Variants in XIRP2 observed in about 807,000 individuals in gnomAD.
The protein encoded by XIRP2 is xin actin binding repeat containing 2.
A neutral mutation model predicts 277.0 loss-of-function variants in XIRP2; 236 were observed. That is an observed-to-expected ratio of 0.85 (90% CI 0.77 to 0.95). The LOEUF is 0.95. Among genes scored for constraint, XIRP2 ranks in the 40% least tolerant of loss-of-function variants. The pLI is 0.00. For synonymous variants in XIRP2, 1,490 were observed against 1,416.5 expected, an observed-to-expected ratio of 1.05 and a Z score of -1.17; for missense variants, 4,640 against 4,157.5, an observed-to-expected ratio of 1.12 and a Z score of -3.19.
intron 2 of XIRP2, among the ~76,000 whole-genome samples, chr2:167,008,517 G>T (rs1000637516): frequency 6.6e-6 from 1 of 151,564 alleles, no homozygotes; most frequent in African/African-American, 2.4e-5. Flanking sequence ...GTTACTTAAA[G>T]AATTAATAAC....
chr2:167,257,271 T>A (rs2105456884), intron 10 of XIRP2, among the ~76,000 whole-genome samples: 1 of 152,076 alleles, frequency 6.6e-6, no homozygotes, highest in Non-Finnish European at 1.5e-5. Flanking sequence ...TTCATTTAGT[T>A]GTAAATGTTC....
chr2:167,139,932 G>T (rs1001489651), intron 3 of XIRP2, among the ~76,000 whole-genome samples: 2 of 152,066 alleles, frequency 1.3e-5, no homozygotes, highest in Non-Finnish European at 2.9e-5. Flanking sequence ...GCTGACATTC[G>T]TCCAATGAGC....
chr2:167,205,827 G>A (rs1177266701), intron 3 of XIRP2, among the ~76,000 whole-genome samples: 1 of 151,864 alleles, frequency 6.6e-6, no homozygotes, highest in Non-Finnish European at 1.5e-5. Context: ...AATACTTTTA[G>A]TTATAAATAA....
chr2:167,232,307 G>A lies in XIRP2; in HGVS notation c.859-7548G>A, dbSNP rs370942942. 2.4e-4 allele frequency among the ~76,000 whole-genome samples: 37 copies of A among 151,958 alleles called. 1 individual carries two copies. The highest frequency in any genetic ancestry group is 6.3e-4 in the African/African-American group (26 of 41,508). ...AAATTGGATAGGTGATCACAAACCCGCTCTCTGGCTATATCTCTACAGAAT... is the reference window on the plus strand; with the variant it reads ...AAATTGGATAGGTGATCACAAACCCACTCTCTGGCTATATCTCTACAGAAT... On this transcript the variant is annotated intron_variant, in intron 5 of 10. Transcript: ENST00000409195.
At chr2:167,100,732 T>G (rs576788860) in intron 2 of XIRP2, among the ~76,000 whole-genome samples, 2 of 152,336 alleles carry the variant, frequency 1.3e-5, no homozygotes, top group Admixed American at 6.5e-5. Flanking sequence ...TCAAACTGCT[T>G]CTTCTTGTTA....
Position 167,026,378 on chromosome 2 carries a change from C to G in XIRP2, c.409-109531C>G, listed in dbSNP as rs142797439. The stretch of plus-strand genomic sequence containing the variant: ...GCACGTGAGATGGGTTTCCTGAATA[C>G]AGCACACTGAAGGGTCTTGACTCTT... On this transcript the variant is annotated intron_variant, in intron 2 of 10. Transcript: ENST00000409195. 1.6e-3 allele frequency among the ~76,000 whole-genome samples: 248 copies of G among 152,210 alleles called. 8 individuals are homozygous for G. The East Asian group carries it at 0.045, about 28-fold the overall frequency.
At chr2:166,933,453 T>A (rs765133874) in intron 2 of XIRP2, among the ~76,000 whole-genome samples, 28 of 152,026 alleles carry the variant, frequency 1.8e-4, no homozygotes, top group Admixed American at 3.9e-4. Context: ...CCGGCCAACT[T>A]ATATATCAAT....
intron 2 of XIRP2, among the ~76,000 whole-genome samples, chr2:167,035,388 C>A (rs1253745778): frequency 6.6e-6 from 1 of 152,120 alleles, no homozygotes; most frequent in Non-Finnish European, 1.5e-5. Context: ...CTGAATTGGT[C>A]TCAGATGGAG....
intron 2 of XIRP2, among the ~76,000 whole-genome samples, chr2:167,037,398 T>C (rs1688537056): frequency 6.6e-6 from 1 of 151,956 alleles, no homozygotes; most frequent in African/African-American, 2.4e-5. Flanking sequence ...CTCTCTCTCA[T>C]TCCTGGGTCA....
intron 10 of XIRP2, among the ~76,000 whole-genome samples, chr2:167,255,851 T>C (rs1695640614): frequency 6.6e-6 from 1 of 151,904 alleles, no homozygotes; most frequent in African/African-American, 2.4e-5. Context: ...TGATAACAAT[T>C]TGTCTGTGAC....
chr2:166,927,637 T>C (rs768375781), intron 2 of XIRP2, among the ~76,000 whole-genome samples: 1 of 152,148 alleles, frequency 6.6e-6, no homozygotes, highest in Non-Finnish European at 1.5e-5. Context: ...TTTATTACAG[T>C]GGGACAACCA....
intron 3 of XIRP2, among the ~76,000 whole-genome samples, chr2:167,153,682 G>A (rs930530341): frequency 1.3e-5 from 2 of 151,776 alleles, no homozygotes; most frequent in African/African-American, 4.9e-5. Context: ...TCTTGCGATA[G>A]TTTACTGAGA....
intron 2 of XIRP2, among the ~76,000 whole-genome samples, chr2:166,912,950 A>G (rs1574073158): frequency 6.6e-6 from 1 of 152,220 alleles, no homozygotes; most frequent in African/African-American, 2.4e-5. Flanking sequence ...TTGCTGCCTG[A>G]TCATTCCTCT....
intron 3 of XIRP2, among the ~76,000 whole-genome samples, chr2:167,147,483 G>A (rs1691894393): frequency 6.6e-6 from 1 of 152,174 alleles, no homozygotes; most frequent in African/African-American, 2.4e-5. Flanking sequence ...TTTGGTCTCT[G>A]GGAGAGCAAA....
At chr2:167,110,263 T>C (rs947103451) in intron 2 of XIRP2, among the ~76,000 whole-genome samples, 1 of 152,220 alleles carries the variant, frequency 6.6e-6, no homozygotes, top group African/African-American at 2.4e-5. Context: ...CCCACAATGG[T>C]ATTTCCAAGC....
chr2:167,164,842 T>C (rs1482657826), intron 3 of XIRP2, among the ~76,000 whole-genome samples: 1 of 152,196 alleles, frequency 6.6e-6, no homozygotes, highest in Non-Finnish European at 1.5e-5. Flanking sequence ...CCCACCATAG[T>C]GGTACATTTG....
intron 2 of XIRP2, among the ~76,000 whole-genome samples, chr2:167,059,033 C>CA (rs1558964757): frequency 1.4e-5 from 2 of 146,598 alleles, no homozygotes; most frequent in Admixed American, 6.8e-5. Context: ...AAATTCATCA[C>CA]AAAAAAGAAA....
intron 5 of XIRP2, among the ~76,000 whole-genome samples, chr2:167,233,641 G>A (rs1282110565): frequency 2.0e-5 from 3 of 151,592 alleles, no homozygotes; most frequent in Non-Finnish European, 4.4e-5. Context: ...TCTGTTTCTC[G>A]ATTTTGGTTG....
At chr2:167,240,817 C>T (rs1467538793) in intron 7 of XIRP2, 81 bp downstream of exon 7, 8 of 1,191,280 alleles carry the variant, frequency 6.7e-6, no homozygotes, top group South Asian at 1.2e-5. Flanking sequence ...TTCCAAAGCA[C>T]AGTCCTCCCC....
Sources: gnomAD v4.1 joint callset for allele counts (sites outside exome capture counted in the v4.1 genomes callset) on GRCh38, gnomAD v4.1.1 for gene constraint, MANE v1.5 for transcripts, NCBI Gene and HGNC (gene_info 2026-07-23, HGNC 2026-07-21) for gene names.